ZNF550: variants seen among roughly 807,000 people sequenced by gnomAD.
ZNF550 encodes the protein zinc finger protein 550.
In ZNF550, 42 loss-of-function variants were observed where a neutral mutation model predicts 40.2. The observed-to-expected ratio is 1.05, with a 90% CI of 0.82 to 1.35. The LOEUF is 1.35. Among genes scored for constraint, ZNF550 ranks in the 40% most tolerant of loss-of-function variants. The pLI is 0.00. For missense variants in ZNF550, 549 were observed against 525.2 expected (o/e 1.05, Z -0.44); for synonymous variants, 223 against 198.6 (o/e 1.12, Z -1.03).
At chr19:57,556,029 G>C in intron 2 of ZNF550, 1 of 581,032 alleles carries the variant, frequency 1.7e-6, no homozygotes, top group Non-Finnish European at 3.0e-6. Flanking sequence ...ACCTCAGAAT[G>C]GGCTGAGCAC....
At chr19:57,543,765 G>A (rs2089982832) in intron 4 of ZNF550, 2 of 416,826 alleles carry the variant, frequency 4.8e-6, no homozygotes, top group Non-Finnish European at 6.4e-6. Flanking sequence ...GTGAAACCCC[G>A]TCTCTACTAA....
intron 3 of ZNF550, 40 bp downstream of exon 3, chr19:57,552,587 G>A: frequency 6.8e-7 from 1 of 1,476,272 alleles, no homozygotes; most frequent in South Asian, 1.2e-5. Flanking sequence ...ATTATCTGAA[G>A]ACTGCCATGA....
At chr19:57,545,092 A>T (rs1175641137) in intron 4 of ZNF550, among the ~76,000 whole-genome samples, 1 of 152,234 alleles carries the variant, frequency 6.6e-6, no homozygotes, top group Non-Finnish European at 1.5e-5. Flanking sequence ...CCTGCACTCC[A>T]GCCTAGGCAG....
exon 4 of ZNF550, chr19:57,546,858 G>C: frequency 7.0e-7 from 1 of 1,429,404 alleles, no homozygotes; most frequent in South Asian, 1.7e-5. Flanking sequence ...AAAATGAAAA[G>C]TTTCCTGACA....
intron 3 of ZNF550, 55 bp from the exon 4 acceptor site, chr19:57,548,048 A>G: frequency 1.4e-6 from 2 of 1,465,242 alleles, no homozygotes; most frequent in Non-Finnish European, 1.9e-6. Flanking sequence ...ATATAGAAAA[A>G]CACAAAATAA....
chr19:57,543,169 G>A (rs973557786), exon 5 of ZNF550: 9 of 874,148 alleles, frequency 1.0e-5, no homozygotes, highest in South Asian at 1.1e-4. Context: ...CATTTCCTTC[G>A]GTGTTGTAGT....
intron 2 of ZNF550, 170 bp from the exon 3 acceptor site, chr19:57,552,892 G>A: frequency 1.7e-6 from 1 of 575,386 alleles, no homozygotes; most frequent in Non-Finnish European, 3.1e-6. Context: ...TGAGTGAGCT[G>A]TGTTCCCCAT....
intron 3 of ZNF550, among the ~76,000 whole-genome samples, chr19:57,551,968 A>G (rs1401662845): frequency 6.6e-6 from 1 of 152,252 alleles, no homozygotes; most frequent in Non-Finnish European, 1.5e-5. Context: ...TTCACAGCAT[A>G]ATGCAGACAG....
exon 1 of ZNF550, chr19:57,559,851 G>T: frequency 1.9e-6 from 1 of 528,452 alleles, no homozygotes; most frequent in Non-Finnish European, 3.0e-6. Flanking sequence ...ACGCCAGCGA[G>T]GCCGGAAGTC....
At chr19:57,542,056 C>T (rs754021159) in exon 5 of ZNF550, 2 of 151,862 alleles carry the variant, frequency 1.3e-5, no homozygotes, top group African/African-American at 2.4e-5. Flanking sequence ...CAAATAAAGA[C>T]AGGCCAACAT....
intron 2 of ZNF550, chr19:57,553,861 T>C (rs945691763): frequency 1.3e-5 from 2 of 152,182 alleles, no homozygotes; most frequent in African/African-American, 4.8e-5. Flanking sequence ...CCCAAAATTC[T>C]GGTGCCCAGA....
exon 4 of ZNF550, chr19:57,547,747 T>C (rs147073953): frequency 7.9e-5 from 128 of 1,614,008 alleles, no homozygotes; most frequent in Non-Finnish European, 1.0e-4. Context: ...GTGCAGACCA[T>C]CATCTGTCCC....
exon 5 of ZNF550, chr19:57,542,858 G>A (rs1489364521): frequency 6.6e-6 from 1 of 152,152 alleles, no homozygotes; most frequent in Non-Finnish European, 1.5e-5. Flanking sequence ...CACAGTCATA[G>A]TCAATTAGGA....
At chr19:57,552,921 C>A in intron 2 of ZNF550, 199 bp from the exon 3 acceptor site, 1 of 551,100 alleles carries the variant, frequency 1.8e-6, no homozygotes, top group South Asian at 2.6e-5. Context: ...TATGTTGATG[C>A]CCTAACACCC....
intron 2 of ZNF550, chr19:57,555,979 A>G: frequency 2.2e-6 from 1 of 447,934 alleles, no homozygotes; most frequent in South Asian, 2.1e-5. Context: ...CCCCACCAGG[A>G]TGGCCAATCA....
At chr19:57,547,730 C>T in exon 4 of ZNF550, 1 of 1,614,106 alleles carries the variant, frequency 6.2e-7, no homozygotes, top group East Asian at 2.2e-5. Context: ...TCTTGTAATG[C>T]CCTGGAGTGC....
intron 3 of ZNF550, among the ~76,000 whole-genome samples, chr19:57,550,589 T>A (rs980244802): frequency 3.9e-5 from 6 of 152,104 alleles, no homozygotes; most frequent in African/African-American, 1.2e-4. Context: ...TCACAACCAA[T>A]TAAAAACTAG....
chr19:57,544,271 A>G (rs2089988370), intron 4 of ZNF550: 2 of 985,434 alleles, frequency 2.0e-6, no homozygotes, highest in African/African-American at 3.5e-5. Context: ...AGATCCTTGT[A>G]CCAAACACTT....
chr19:57,548,324 CATCT>C (rs2090042938), intron 3 of ZNF550, among the ~76,000 whole-genome samples: 1 of 152,046 alleles, frequency 6.6e-6, no homozygotes, highest in Non-Finnish European at 1.5e-5. Context: ...CGCTTACATC[CATCT>C]GACAAGGGAT....
Sources: gnomAD v4.1 joint callset for allele counts (sites outside exome capture counted in the v4.1 genomes callset) on GRCh38, gnomAD v4.1.1 for gene constraint, MANE v1.5 for transcripts, NCBI Gene and HGNC (gene_info 2026-07-23, HGNC 2026-07-21) for gene names.